The following GMDS variants were observed in gnomAD, a reference collection of about 807,000 sequenced individuals.
GMDS encodes GDP-mannose 4,6 dehydratase.
Under a neutral mutation model 49.9 loss-of-function variants are expected in GMDS, and 20 were observed. The observed-to-expected ratio is 0.40, with a 90% CI of 0.28 to 0.58. GMDS has a LOEUF of 0.58. Among genes scored for constraint, GMDS ranks in the 20% least tolerant of loss-of-function variants. GMDS has a pLI of 0.42. For synonymous variants in GMDS, 177 were observed against 178.6 expected, an observed-to-expected ratio of 0.99 and a Z score of 0.07; for missense variants, 362 against 481.4, an observed-to-expected ratio of 0.75 and a Z score of 2.32.
chr6:2,015,014 T>G (rs750563571), intron 4 of GMDS, among the ~76,000 whole-genome samples: 1 of 152,074 alleles, frequency 6.6e-6, no homozygotes, highest in Non-Finnish European at 1.5e-5. Flanking sequence ...GAAAACATAA[T>G]AATCCTTAAG....
chr6:1,670,139 G>A (rs149247806), intron 9 of GMDS, among the ~76,000 whole-genome samples: 78 of 152,032 alleles, frequency 5.1e-4, no homozygotes, highest in African/African-American at 1.7e-3. Flanking sequence ...CACGTGCACC[G>A]CACTGCCCCA....
intron 7 of GMDS, among the ~76,000 whole-genome samples, chr6:1,806,777 A>G (rs1043230815): frequency 6.6e-6 from 1 of 152,218 alleles, no homozygotes; most frequent in Admixed American, 6.5e-5. Context: ...TTTCAAAAAT[A>G]GAACCGTAAA....
chr6:2,106,019 T>G (rs924569362), intron 4 of GMDS, among the ~76,000 whole-genome samples: 1 of 152,224 alleles, frequency 6.6e-6, no homozygotes, highest in Non-Finnish European at 1.5e-5. Flanking sequence ...AAACCAAGGC[T>G]TGATGTGCGG....
chr6:2,245,084 C>G (rs560784398), intron 1 of GMDS, among the ~76,000 whole-genome samples: 1 of 152,204 alleles, frequency 6.6e-6, no homozygotes, highest in Non-Finnish European at 1.5e-5. Context: ...ACATCCCGCG[C>G]GGCACACACG....
At chr6:2,000,262 C>T (rs1016985395) in intron 4 of GMDS, among the ~76,000 whole-genome samples, 5 of 150,270 alleles carry the variant, frequency 3.3e-5, no homozygotes, top group African/African-American at 1.2e-4. Context: ...GTCTCCATCT[C>T]CTGACCTTGT....
intron 9 of GMDS, among the ~76,000 whole-genome samples, chr6:1,705,999 G>A (rs908231143): frequency 6.6e-5 from 10 of 152,152 alleles, no homozygotes; most frequent in Non-Finnish European, 1.3e-4. Context: ...AGTTGAATTC[G>A]TCATTGTGGA....
chr6:2,181,721 G>A (rs576567293), intron 1 of GMDS, among the ~76,000 whole-genome samples: 44 of 152,278 alleles, frequency 2.9e-4, no homozygotes, highest in African/African-American at 1.1e-3. Context: ...AATGGTAAAT[G>A]TAATCGGAAA....
chr6:1,736,071 GC>G (rs1251983615), intron 8 of GMDS, among the ~76,000 whole-genome samples: 1 of 152,126 alleles, frequency 6.6e-6, no homozygotes, highest in African/African-American at 2.4e-5. Flanking sequence ...AGGAAAATGG[GC>G]CCGCGACCTG....
chr6:1,746,443 CTTT>C (rs1179763387), intron 7 of GMDS, among the ~76,000 whole-genome samples: 1 of 152,156 alleles, frequency 6.6e-6, no homozygotes, highest in Non-Finnish European at 1.5e-5. Context: ...GCTTCAGATT[CTTT>C]AACATAAAAA....
At chr6:1,756,580 C>A (rs1490581655) in intron 7 of GMDS, among the ~76,000 whole-genome samples, 1 of 152,152 alleles carries the variant, frequency 6.6e-6, no homozygotes, top group Non-Finnish European at 1.5e-5. Flanking sequence ...CTGGCTGCAG[C>A]CTTTTGATTG....
chr6:2,077,275 A>AT (rs966706264), intron 4 of GMDS, among the ~76,000 whole-genome samples: 1 of 151,938 alleles, frequency 6.6e-6, no homozygotes, highest in Non-Finnish European at 1.5e-5. Flanking sequence ...AATGCATTTT[A>AT]TTTTTTAATC....
rs562489132 is a variant in GMDS, at chr6:1,940,165, G to A, written c.644-9935C>T. Reference sequence around the variant, plus strand: ...ATTGTTTGTGTGTCTACAGATACACGATTGTATATGTGCATGCATGCATGC... The same window carrying A: ...ATTGTTTGTGTGTCTACAGATACACAATTGTATATGTGCATGCATGCATGC... On this transcript the variant is annotated intron_variant, in intron 6 of 10. Coordinates refer to ENST00000380815, the MANE Select transcript of GMDS (RefSeq NM_001500.4). Among the ~76,000 whole-genome samples, 3 of 143,276 alleles carry A rather than the reference G, an allele frequency of 2.1e-5. No individual in the cohort carries two copies. The South Asian group carries it at 6.9e-4, about 33-fold the overall frequency. 94.0% of individuals were successfully genotyped at this position (143,276 alleles called of 152,430 possible).
chr6:1,652,948 C>T (rs868623990), intron 9 of GMDS, among the ~76,000 whole-genome samples: 1 of 149,354 alleles, frequency 6.7e-6, no homozygotes, highest in Non-Finnish European at 1.5e-5. Flanking sequence ...ATGTCCCTCT[C>T]GATCCCTCAG....
chr6:1,909,184 G>A (rs1760925418), intron 7 of GMDS, among the ~76,000 whole-genome samples: 1 of 152,208 alleles, frequency 6.6e-6, no homozygotes, highest in Non-Finnish European at 1.5e-5. Flanking sequence ...TTTGGAACAA[G>A]TAAAGTTTGG....
chr6:2,053,130 TC>T (rs1770543309), intron 4 of GMDS, among the ~76,000 whole-genome samples: 1 of 152,178 alleles, frequency 6.6e-6, no homozygotes, highest in Non-Finnish European at 1.5e-5. Flanking sequence ...TTTTACTGTT[TC>T]CCCATCCATT....
intron 6 of GMDS, among the ~76,000 whole-genome samples, chr6:1,955,711 C>T (rs907101499): frequency 6.0e-5 from 9 of 150,372 alleles, no homozygotes; most frequent in South Asian, 2.1e-4. Flanking sequence ...ATGTATTACA[C>T]GGTTCTCAAA....
At chr6:1,873,804 A>C (rs915346058) in intron 7 of GMDS, among the ~76,000 whole-genome samples, 18 of 152,024 alleles carry the variant, frequency 1.2e-4, no homozygotes, top group Admixed American at 7.2e-4. Flanking sequence ...AAAACACAAC[A>C]CCCTACCCTG....
chr6:2,010,262 G>A (rs1473539329), intron 4 of GMDS, among the ~76,000 whole-genome samples: 1 of 151,442 alleles, frequency 6.6e-6, no homozygotes, highest in Non-Finnish European at 1.5e-5. Context: ...GAGAGGCAGA[G>A]GTTGCAGGGA....
At chr6:1,928,105 G>A (rs920101647) in intron 7 of GMDS, among the ~76,000 whole-genome samples, 5 of 152,198 alleles carry the variant, frequency 3.3e-5, no homozygotes, top group African/African-American at 1.2e-4. Context: ...AGTGGCTCAA[G>A]CCTGTAATCC....
Sources: gnomAD v4.1 joint callset for allele counts (sites outside exome capture counted in the v4.1 genomes callset) on GRCh38, gnomAD v4.1.1 for gene constraint, MANE v1.5 for transcripts, NCBI Gene and HGNC (gene_info 2026-07-23, HGNC 2026-07-21) for gene names.